TIAM1: variants seen among roughly 807,000 people sequenced by gnomAD.
TIAM1 encodes TIAM Rac1 associated GEF 1.
A neutral mutation model predicts 163.5 loss-of-function variants in TIAM1; 65 were observed. The observed-to-expected ratio is 0.40, with a 90% CI of 0.33 to 0.49. The LOEUF is 0.49. Among genes scored for constraint, TIAM1 ranks in the 20% least tolerant of loss-of-function variants. The pLI, the probability that TIAM1 is intolerant of heterozygous loss-of-function variation, is 0.77. For missense variants in TIAM1, 1,789 were observed against 2,044.7 expected (o/e 0.87, Z 2.41); for synonymous variants, 833 against 810.1 (o/e 1.03, Z -0.48).
intron 2 of TIAM1, among the ~76,000 whole-genome samples, chr21:31,430,815 A>T (rs1019829208): frequency 3.3e-5 from 5 of 152,000 alleles, no homozygotes; most frequent in African/African-American, 1.2e-4. Flanking sequence ...TCATAAAGTA[A>T]TTTTTCTAAT....
At chr21:31,242,592 G>A (rs932471953) in intron 6 of TIAM1, among the ~76,000 whole-genome samples, 5 of 152,136 alleles carry the variant, frequency 3.3e-5, no homozygotes, top group Admixed American at 6.5e-5. Flanking sequence ...CTGTTCTTAG[G>A]AAAGACTAGG....
At chr21:31,445,218 A>G (rs77621814) in intron 2 of TIAM1, among the ~76,000 whole-genome samples, 3,278 of 152,246 alleles carry the variant, frequency 0.022, 136 homozygotes, top group African/African-American at 0.075. Context: ...CAACACACGG[A>G]AACTCCAAGG....
chr21:31,455,152 G>A (rs969046917), intron 2 of TIAM1, among the ~76,000 whole-genome samples: 6 of 151,768 alleles, frequency 4.0e-5, no homozygotes, highest in Non-Finnish European at 7.4e-5. Context: ...GGTGGCACAC[G>A]CCTGTAATCC....
chr21:31,348,944 G>C (rs1308574138), upstream of TIAM1, among the ~76,000 whole-genome samples: 1 of 152,124 alleles, frequency 6.6e-6, no homozygotes, highest in African/African-American at 2.4e-5. Context: ...AATACATAGA[G>C]ATATTCTTAA....
chr21:31,261,762 A>T (rs1453080335), intron 4 of TIAM1, among the ~76,000 whole-genome samples: 2 of 152,018 alleles, frequency 1.3e-5, no homozygotes, highest in Non-Finnish European at 2.9e-5. Flanking sequence ...CTCATCTCCT[A>T]ATCTCTTTAT....
intron 2 of TIAM1, among the ~76,000 whole-genome samples, chr21:31,458,610 C>T (rs2045202701): frequency 6.6e-6 from 1 of 152,200 alleles, no homozygotes; most frequent in Non-Finnish European, 1.5e-5. Flanking sequence ...TGAATGACAG[C>T]ACCTGCGCTG....
chr21:31,255,019 T>A (rs567447201), intron 4 of TIAM1, among the ~76,000 whole-genome samples: 1 of 152,068 alleles, frequency 6.6e-6, no homozygotes, highest in East Asian at 1.9e-4. Context: ...GACACTCACC[T>A]CTGTATAAGA....
intron 1 of TIAM1, among the ~76,000 whole-genome samples, chr21:31,541,438 C>G (rs1204347911): frequency 2.6e-5 from 4 of 151,812 alleles, no homozygotes. Context: ...GCCTGGGCAA[C>G]AGAGTGAGAC....
chr21:31,290,690 T>C (rs2073989283), intron 2 of TIAM1, among the ~76,000 whole-genome samples: 1 of 147,990 alleles, frequency 6.8e-6, no homozygotes, highest in Non-Finnish European at 1.5e-5. Flanking sequence ...TAGCAACAGA[T>C]TATGGAATAG....
intron 19 of TIAM1, among the ~76,000 whole-genome samples, chr21:31,152,021 CTTTTTTTT>C (rs754817467): frequency 9.1e-4 from 102 of 112,286 alleles, no homozygotes; most frequent in African/African-American, 2.3e-3. Flanking sequence ...CCAGAAGTGC[CTTTTTTTT>C]TTTTTTTTTT....
chr21:31,133,401 G>C (rs575158125), intron 23 of TIAM1, among the ~76,000 whole-genome samples: 24 of 152,288 alleles, frequency 1.6e-4, no homozygotes, highest in African/African-American at 5.3e-4. Flanking sequence ...TGCCCATGAA[G>C]CTGGAGTATG....
chr21:31,356,436 T>G (rs2076318083), intron 2 of TIAM1, among the ~76,000 whole-genome samples: 1 of 152,112 alleles, frequency 6.6e-6, no homozygotes, highest in South Asian at 2.1e-4. Flanking sequence ...AATGTTTGTG[T>G]CCCCTCAAAA....
intron 2 of TIAM1, among the ~76,000 whole-genome samples, chr21:31,416,079 G>A (rs1409086564): frequency 6.6e-6 from 1 of 152,046 alleles, no homozygotes; most frequent in Non-Finnish European, 1.5e-5. Flanking sequence ...AAGCTCTTTG[G>A]GGTTACCTTT....
intron 20 of TIAM1, among the ~76,000 whole-genome samples, chr21:31,146,208 G>A (rs894288810): frequency 3.9e-5 from 6 of 152,008 alleles, no homozygotes; most frequent in Non-Finnish European, 7.4e-5. Context: ...CGAGGTGGGC[G>A]GATCACCTGA....
At chr21:31,383,858 G>A (rs1418231165) in intron 2 of TIAM1, among the ~76,000 whole-genome samples, 1 of 152,154 alleles carries the variant, frequency 6.6e-6, no homozygotes, top group Non-Finnish European at 1.5e-5. Context: ...ACTTTCCAGA[G>A]TGAAAACCTG....
intron 16 of TIAM1, among the ~76,000 whole-genome samples, chr21:31,161,492 G>A (rs972829130): frequency 2.0e-5 from 3 of 152,062 alleles, no homozygotes; most frequent in African/African-American, 2.4e-5. Context: ...GTACCACCAC[G>A]CTCAACAACA....
intron 2 of TIAM1, among the ~76,000 whole-genome samples, chr21:31,372,721 C>T (rs1354089873): frequency 6.6e-6 from 1 of 152,148 alleles, no homozygotes; most frequent in African/African-American, 2.4e-5. Flanking sequence ...TGTAATCCCC[C>T]AGCACATTGG....
intron 2 of TIAM1, among the ~76,000 whole-genome samples, chr21:31,338,706 T>G (rs2252002): frequency 0.15 from 22,762 of 152,074 alleles, 2,325 homozygotes; most frequent in East Asian, 0.43. Flanking sequence ...CACGGCGACC[T>G]CTTGATCCAT....
chr21:31,542,795 C>G (rs1008275904), intron 1 of TIAM1, among the ~76,000 whole-genome samples: 2 of 151,900 alleles, frequency 1.3e-5, no homozygotes, highest in African/African-American at 4.8e-5. Flanking sequence ...ATGGCAAAAC[C>G]CTGTCTCTAC....
Sources: gnomAD v4.1 joint callset for allele counts (sites outside exome capture counted in the v4.1 genomes callset) on GRCh38, gnomAD v4.1.1 for gene constraint, MANE v1.5 for transcripts, NCBI Gene and HGNC (gene_info 2026-07-23, HGNC 2026-07-21) for gene names.